Variants in ZNF76 observed in about 807,000 individuals in gnomAD.
ZNF76 encodes the protein zinc finger protein 523.
A neutral mutation model predicts 66.9 loss-of-function variants in ZNF76; 66 were observed. That is an observed-to-expected ratio of 0.99 (90% CI 0.81 to 1.21). The LOEUF (loss-of-function observed/expected upper bound fraction) is 1.21, where lower values mean the gene tolerates loss of function less well. ZNF76 is among the 50% of genes most tolerant of loss of function. ZNF76 has a pLI of 0.00. For missense variants in ZNF76, 729 were observed against 760.3 expected, an observed-to-expected ratio of 0.96 and a Z score of 0.48; for synonymous variants, 275 against 296.1, an observed-to-expected ratio of 0.93 and a Z score of 0.73.
chr6:35,294,013 A>G, intron 12 of ZNF76, 98 bp downstream of exon 12: 2 of 1,408,586 alleles, frequency 1.4e-6, no homozygotes, highest in South Asian at 1.4e-5. Context: ...TCTTCTTACC[A>G]GGACAAAGAT....
Position 35,294,225 on chromosome 6 carries a change from A to G in ZNF76, c.1495-231A>G, listed in dbSNP as rs1688451092. ...GATTAAAATATCTCTGGAATTTTTT[A>G]CAGCTCTGTCCTTCTGTGATTCAAA... On this transcript the variant is annotated intron_variant, in intron 12 of 13. Transcript: ENST00000373953. 5.2e-6 allele frequency: 3 copies of G among 580,836 alleles called. No homozygotes were observed. The South Asian group carries it at 6.4e-5, about 12-fold the overall frequency. 36.0% of individuals were successfully genotyped at this position (580,836 alleles called of 1,614,324 possible).
At chr6:35,271,347 A>G (rs1303953657) in intron 1 of ZNF76, among the ~76,000 whole-genome samples, 1 of 152,244 alleles carries the variant, frequency 6.6e-6, no homozygotes, top group African/African-American at 2.4e-5. Flanking sequence ...GTTTCTCCAC[A>G]GCCTCATGGA....
chr6:35,292,471 C>T lies in ZNF76; in HGVS notation c.932-83C>T. ...TCCCTCCCTCTGGCTCTCCCTTCAC[C>T]AACCCTGTCCCTCACCCCTGTCCCC... is the stretch of plus-strand genomic sequence containing the variant. On this transcript the variant is annotated intron_variant, in intron 9 of 13. Coordinates refer to ENST00000373953, the MANE Select transcript of ZNF76 (RefSeq NM_003427.5). The surrounding 1 kb of genome is among the most constrained non-coding windows in gnomAD (Gnocchi z 4.7). The T allele has an allele frequency of 1.4e-6, 2 of 1,466,942 alleles. No homozygotes were observed. Among genetic ancestry groups the T allele is most frequent in the Non-Finnish European group, 1.9e-6 (2 of 1,060,554 alleles). 90.9% of individuals were successfully genotyped at this position (1,466,942 alleles called of 1,614,324 possible). A position where few individuals can be genotyped will look rare whatever the true frequency, so the allele number is the denominator to read the frequency against.
At position 35,294,530 on chromosome 6, in the gene ZNF76, A is replaced by G; in HGVS notation, c.1569A>G (p.Ala523=). The change falls in exon 13 of 14, where the codon GCA becomes GCG. Residue 523 remains alanine (A), a synonymous_variant. Transcript: ENST00000373953. Reference sequence around the variant, plus strand: ...CATCTCTTCGTCATCAACAGGTGGCACTGTTGGCCACAGCCAACGGAACGC... The same window carrying G: ...CATCTCTTCGTCATCAACAGGTGGCGCTGTTGGCCACAGCCAACGGAACGC... ...SVASLRHQQV[A]LLATANGTHI... is the part of the protein sequence containing the mutation. The G allele has an allele frequency of 6.2e-7, 1 of 1,614,050 alleles. No homozygotes were observed. Among genetic ancestry groups the G allele is most frequent in the Non-Finnish European group, 8.5e-7 (1 of 1,179,910 alleles).
chr6:35,287,722 T>C lies in ZNF76; in HGVS notation c.309T>C (p.Ala103=). 3.7e-6 allele frequency: 6 copies of C among 1,614,218 alleles called. No individual in the cohort carries two copies. The highest frequency in any genetic ancestry group is 4.2e-6 in the Non-Finnish European group (5 of 1,180,028). The change falls in exon 5 of 14, where the codon GCT becomes GCC. Residue 103 remains alanine (A), a synonymous_variant. Transcript: ENST00000373953. The surrounding 1 kb of genome is among the most constrained non-coding windows in gnomAD (Gnocchi z 4.0). ...CTGCCTACATTCACCACCCTGTGGC[T>C]GTGCCATCGGAGAGCACCATCCTGG... is the stretch of plus-strand genomic sequence containing the variant. ...GSTAYIHHPV[A]VPSESTILAV...
In ZNF76 at chr6:35,263,974, C is replaced by G. The variant is rs952943814; in HGVS notation, c.-97+4133C>G. On this transcript the variant is annotated intron_variant, in intron 1 of 13. Transcript: ENST00000373953. ...CCATGTTGGCCAGACTGATCTCTAA[C>G]TCCTGACCTCAGGTGATCCACTCGC... 5.1e-4 allele frequency among the ~76,000 whole-genome samples: 78 copies of G among 152,344 alleles called. 1 individual carries two copies. The highest frequency in any genetic ancestry group is 1.8e-3 in the African/African-American group (74 of 41,582).
chr6:35,292,379 CCT>C lies in ZNF76; in HGVS notation c.932-170_932-169del, dbSNP rs567579984. On this transcript the variant is annotated intron_variant, in intron 9 of 13. Coordinates refer to ENST00000373953, the MANE Select transcript of ZNF76 (RefSeq NM_003427.5). This position sits in a 1 kb window ranked among gnomAD's most constrained non-coding sequence, Gnocchi z 4.7. The stretch of plus-strand genomic sequence containing the variant: ...GGATTCAGTGGTTCAACACCTGTGT[CCT>C]CTCTGTGTTCCACTGGCCATCTTCC... The C allele has an allele frequency of 1.8e-5, 12 of 665,288 alleles. No individual in the cohort carries two copies. The highest frequency in any genetic ancestry group is 1.8e-4 in the African/African-American group (10 of 56,018). The allele number at this position is 665,288 out of a possible 1,614,324, so 41.2% of individuals were successfully genotyped here. A position where few individuals can be genotyped will look rare whatever the true frequency, so the allele number is the denominator to read the frequency against.
intron 2 of ZNF76, among the ~76,000 whole-genome samples, chr6:35,283,518 AC>A (rs1210706742): frequency 1.2e-4 from 19 of 152,328 alleles, no homozygotes; most frequent in Non-Finnish European, 2.2e-4. Context: ...ATGCACTAGG[AC>A]TGTTCCAGGC....
intron 5 of ZNF76, 85 bp from the exon 6 acceptor site, chr6:35,290,180 TG>T (rs995773019): frequency 3.8e-6 from 6 of 1,559,558 alleles, no homozygotes; most frequent in South Asian, 1.2e-5. Flanking sequence ...CCCTGCCTGT[TG>T]GGTCTTAAGC....
intron 7 of ZNF76, 148 bp downstream of exon 7, chr6:35,290,864 A>G: frequency 1.3e-6 from 1 of 764,246 alleles, no homozygotes; most frequent in South Asian, 1.7e-5. Context: ...TCTCTGGAGG[A>G]AACCTTGTTA....
intron 2 of ZNF76, among the ~76,000 whole-genome samples, chr6:35,284,721 A>AT (rs1041182359): frequency 7.0e-6 from 1 of 143,186 alleles, no homozygotes; most frequent in African/African-American, 2.6e-5. Context: ...TTTATTTTTT[A>AT]TTTTTTTCAG....
At chr6:35,291,814 A>T (rs959947711) in intron 9 of ZNF76, 77 bp downstream of exon 9, 1 of 1,534,394 alleles carries the variant, frequency 6.5e-7, no homozygotes, top group Non-Finnish European at 8.8e-7. Context: ...TCTAAGACAC[A>T]TTCCCAACTC....
At chr6:35,288,318 G>T (rs1789890904) in intron 5 of ZNF76, 1 of 364,184 alleles carries the variant, frequency 2.7e-6, no homozygotes, top group South Asian at 2.0e-5. Flanking sequence ...TATGACAAGG[G>T]CATGTGCAAC....
In ZNF76 at chr6:35,288,382, G is replaced by A. The variant is rs559216094; in HGVS notation, c.432+537G>A. ...GCCCACACAGTAGCTCAGCTGGAAA[G>A]GAAAAGGGTCCTGGCTCTGCAAATA... On this transcript the variant is annotated intron_variant, in intron 5 of 13. Coordinates refer to ENST00000373953, the MANE Select transcript of ZNF76 (RefSeq NM_003427.5). 4.6e-5 allele frequency: 16 copies of A among 351,430 alleles called. No individual in the cohort carries two copies. The Admixed American group carries it at 5.4e-4, about 12-fold the overall frequency. 21.8% of individuals were successfully genotyped at this position (351,430 alleles called of 1,614,324 possible). A position where few individuals can be genotyped will look rare whatever the true frequency, so the allele number is the denominator to read the frequency against.
intron 1 of ZNF76, among the ~76,000 whole-genome samples, chr6:35,262,734 C>A (rs909643103): frequency 6.6e-6 from 1 of 152,120 alleles, no homozygotes; most frequent in Non-Finnish European, 1.5e-5. Context: ...ATTTAGTGAC[C>A]TCTTGATGTG....
chr6:35,290,812 T>C, intron 7 of ZNF76, 96 bp downstream of exon 7: 1 of 1,175,654 alleles, frequency 8.5e-7, no homozygotes, highest in Non-Finnish European at 1.3e-6. Context: ...GCTGCTTTCC[T>C]GGAGAAACTA....
At chr6:35,288,940 G>C (rs569567517) in intron 5 of ZNF76, among the ~76,000 whole-genome samples, 1 of 106,460 alleles carries the variant, frequency 9.4e-6, no homozygotes, top group South Asian at 3.5e-4. Context: ...AACAGAGGGA[G>C]ATCCTATCTA....
In ZNF76 at chr6:35,269,110, A is replaced by G. The variant is rs564003466; in HGVS notation, c.-97+9269A>G. On this transcript the variant is annotated intron_variant, in intron 1 of 13. Transcript: ENST00000373953. ...AGCTTGGCAAACATGGTAAAACCCC[A>G]TCTCTACTAAAAATACAAAAATTTG... 1.4e-4 allele frequency among the ~76,000 whole-genome samples: 22 copies of G among 151,734 alleles called. No homozygotes were observed. In the East Asian group the frequency reaches 3.9e-3, roughly 27 times the overall value.
At position 35,295,861 on chromosome 6, in the gene ZNF76, A is replaced by G. The variant is rs111803945; in HGVS notation, c.*613A>G. ...AGAGGCAGGGAGTGGCCCTGTACAT[A>G]GACTGCTGGGGATTGGGTTTGATTT... On this transcript the variant is annotated 3_prime_UTR_variant, in exon 14 of 14. Transcript: ENST00000373953. 0.013 allele frequency: 2,064 copies of G among 155,846 alleles called. 17 individuals are homozygous for G. Among genetic ancestry groups the G allele is most frequent in the African/African-American group, 0.024 (1,014 of 41,578 alleles). 9.7% of individuals were successfully genotyped at this position (155,846 alleles called of 1,614,324 possible). A position where few individuals can be genotyped will look rare whatever the true frequency, so the allele number is the denominator to read the frequency against.
Sources: allele counts gnomAD v4.1 joint callset (sites outside exome capture counted in the v4.1 genomes callset), GRCh38; gene constraint gnomAD v4.1.1; non-coding constraint Gnocchi (gnomAD v3.1); transcripts MANE v1.5; gene names NCBI Gene and HGNC (gene_info 2026-07-23, HGNC 2026-07-21).